The following ABTB2 variants were observed in gnomAD, a reference collection of about 807,000 sequenced individuals.
ABTB2 encodes the protein ankyrin repeat and BTB domain containing 2.
A neutral mutation model predicts 104.1 loss-of-function variants in ABTB2; 56 were observed. That is an observed-to-expected ratio of 0.54 (90% CI 0.43 to 0.67). The LOEUF is 0.67. Among genes scored for constraint, ABTB2 ranks in the 30% least tolerant of loss-of-function variants. ABTB2 has a pLI of 0.00. For missense variants in ABTB2, 1,279 were observed against 1,407.7 expected (o/e 0.91, Z 1.46); for synonymous variants, 606 against 608.2 (o/e 1.00, Z 0.05).
intron 1 of ABTB2, among the ~76,000 whole-genome samples, chr11:34,351,356 C>A (rs970689103): frequency 3.3e-5 from 5 of 152,222 alleles, no homozygotes; most frequent in Admixed American, 6.5e-5. Flanking sequence ...TCAACTCAAT[C>A]CTCCTGTTGA....
At chr11:34,238,086 T>C (rs919363845) in intron 1 of ABTB2, among the ~76,000 whole-genome samples, 3 of 152,146 alleles carry the variant, frequency 2.0e-5, no homozygotes, top group African/African-American at 7.2e-5. Context: ...TTTTAAAAAA[T>C]ATTTAAATTA....
At chr11:34,204,011 G>C (rs1030890430) in intron 2 of ABTB2, among the ~76,000 whole-genome samples, 1 of 152,230 alleles carries the variant, frequency 6.6e-6, no homozygotes, top group Admixed American at 6.5e-5. Flanking sequence ...CAATGGTAAA[G>C]AGCCACATCA....
At chr11:34,247,263 C>A (rs1330202032) in intron 1 of ABTB2, among the ~76,000 whole-genome samples, 6 of 152,298 alleles carry the variant, frequency 3.9e-5, no homozygotes, top group African/African-American at 9.6e-5. Flanking sequence ...GCCAGCACCA[C>A]CCCCTCCCAA....
intron 1 of ABTB2, among the ~76,000 whole-genome samples, chr11:34,254,351 G>A (rs925526956): frequency 6.6e-6 from 1 of 151,946 alleles, no homozygotes; most frequent in Non-Finnish European, 1.5e-5. Context: ...AGGCTTAAGC[G>A]ATCCTACCAC....
chr11:34,299,708 G>A (rs1375193201), intron 1 of ABTB2, among the ~76,000 whole-genome samples: 2 of 152,190 alleles, frequency 1.3e-5, no homozygotes, highest in African/African-American at 4.8e-5. Context: ...TACTCTCGGG[G>A]CCCTCATAGC....
chr11:34,265,445 G>A (rs1049406702), intron 1 of ABTB2, among the ~76,000 whole-genome samples: 1 of 152,066 alleles, frequency 6.6e-6, no homozygotes, highest in African/African-American at 2.4e-5. Flanking sequence ...CAAATCACCT[G>A]AGGCTGGGAG....
At chr11:34,236,317 CTTG>C (rs1853842729) in intron 1 of ABTB2, among the ~76,000 whole-genome samples, 2 of 152,100 alleles carry the variant, frequency 1.3e-5, no homozygotes, top group Admixed American at 6.5e-5. Context: ...TTCCTTTGCT[CTTG>C]TTGTAGAAGG....
chr11:34,191,141 C>T (rs1171751522), intron 3 of ABTB2, among the ~76,000 whole-genome samples: 1 of 152,148 alleles, frequency 6.6e-6, no homozygotes, highest in African/African-American at 2.4e-5. Context: ...TGGTGGCATG[C>T]ACCTATAGTC....
chr11:34,322,822 G>T (rs562216042), intron 1 of ABTB2, among the ~76,000 whole-genome samples: 1 of 152,056 alleles, frequency 6.6e-6, no homozygotes, highest in African/African-American at 2.4e-5. Context: ...GGGACCAGAG[G>T]TGCGTACCAC....
chr11:34,190,195 G>A (rs1381027719), intron 3 of ABTB2, among the ~76,000 whole-genome samples: 1 of 151,774 alleles, frequency 6.6e-6, no homozygotes, highest in Non-Finnish European at 1.5e-5. Context: ...AGTCAAGATC[G>A]TGCCACTGCA....
intron 10 of ABTB2, 46 bp downstream of exon 10, chr11:34,162,530 C>T (rs1242436899): frequency 6.3e-7 from 1 of 1,586,568 alleles, no homozygotes; most frequent in Non-Finnish European, 8.6e-7. Context: ...CCGTGTGTGT[C>T]CATATGCATG....
At chr11:34,210,010 A>G (rs947590106) in intron 1 of ABTB2, among the ~76,000 whole-genome samples, 28 of 152,020 alleles carry the variant, frequency 1.8e-4, no homozygotes, top group Non-Finnish European at 5.9e-5. Flanking sequence ...CCCAGTTCTC[A>G]GAAGACTGGG....
chr11:34,168,074 C>T, intron 5 of ABTB2, 82 bp from the exon 6 acceptor site: 1 of 1,414,008 alleles, frequency 7.1e-7, no homozygotes, highest in Non-Finnish European at 9.8e-7. Flanking sequence ...CCCCAGAAAC[C>T]ACAGATCGGG....
intron 1 of ABTB2, among the ~76,000 whole-genome samples, chr11:34,254,243 G>A (rs1037725567): frequency 1.3e-5 from 2 of 151,872 alleles, no homozygotes; most frequent in Non-Finnish European, 2.9e-5. Context: ...GAGAAATAAA[G>A]GGAAGCTTTT....
At chr11:34,290,907 A>C (rs928987576) in intron 1 of ABTB2, among the ~76,000 whole-genome samples, 2 of 152,194 alleles carry the variant, frequency 1.3e-5, no homozygotes, top group African/African-American at 2.4e-5. Context: ...AACAGTTATA[A>C]ATTTTTTTCC....
chr11:34,163,771 C>A (rs559205891), intron 9 of ABTB2, among the ~76,000 whole-genome samples: 17 of 152,352 alleles, frequency 1.1e-4, no homozygotes, highest in African/African-American at 3.8e-4. Flanking sequence ...TTGGGCCAGG[C>A]GCTGGCATGT....
At chr11:34,181,043 T>C (rs1361188664) in intron 3 of ABTB2, among the ~76,000 whole-genome samples, 3 of 152,186 alleles carry the variant, frequency 2.0e-5, no homozygotes, top group Admixed American at 6.5e-5. Flanking sequence ...TAGCTGGGAC[T>C]ATAGGCATGC....
At chr11:34,207,483 A>C (rs1853424211) in intron 1 of ABTB2, among the ~76,000 whole-genome samples, 1 of 152,232 alleles carries the variant, frequency 6.6e-6, no homozygotes, top group South Asian at 2.1e-4. Context: ...ACTTTTGCCT[A>C]GTACCTTTTG....
intron 1 of ABTB2, among the ~76,000 whole-genome samples, chr11:34,261,622 C>A (rs905670448): frequency 7.2e-5 from 11 of 152,026 alleles, no homozygotes; most frequent in Non-Finnish European, 1.5e-4. Context: ...TTATAAACCC[C>A]AGAAGGGAAG....
Sources: gnomAD v4.1 joint callset for allele counts (sites outside exome capture counted in the v4.1 genomes callset) on GRCh38, gnomAD v4.1.1 for gene constraint, MANE v1.5 for transcripts, NCBI Gene and HGNC (gene_info 2026-07-23, HGNC 2026-07-21) for gene names.